ZER1: variants seen among roughly 807,000 people sequenced by gnomAD.
ZER1 encodes the protein protein zer-1 homolog.
In ZER1, 11 loss-of-function variants were observed where a neutral mutation model predicts 78.8. The observed-to-expected ratio is 0.14, with a 90% CI of 0.09 to 0.23. The LOEUF is 0.23. Ranked by LOEUF, ZER1 falls within the 10% of genes least tolerant of loss-of-function variation. ZER1 has a pLI of 1.00. For synonymous variants in ZER1, 400 were observed against 407.0 expected (o/e 0.98, Z 0.21); for missense variants, 588 against 996.9 (o/e 0.59, Z 5.52).
intron 8 of ZER1, among the ~76,000 whole-genome samples, chr9:128,749,178 A>G (rs1863596842): frequency 6.6e-6 from 1 of 150,992 alleles, no homozygotes; most frequent in Non-Finnish European, 1.5e-5. Context: ...AAATACAAAT[A>G]TTAGCCTGGC....
Position 128,755,440 on chromosome 9 carries a change from C to T in ZER1, c.126G>A (p.Leu42=). 3.7e-6 allele frequency: 6 copies of T among 1,614,050 alleles called. No individual in the cohort carries two copies. The highest frequency in any genetic ancestry group is 2.2e-5 in the East Asian group (1 of 44,882). ...CGAGCCGGTCACAGATCTCGCTGGG[C>T]AAGAAGATGTCCGGATGTAGCCGCA... ...ETLRLHPDIF[L]PSEICDRLVN... The change falls in exon 2 of 16, where the codon TTG becomes TTA. Residue 42 remains leucine, a synonymous_variant. Transcript: ENST00000291900. This position sits in a 1 kb window ranked among gnomAD's most constrained non-coding sequence, Gnocchi z 5.6.
In ZER1 at chr9:128,753,658, G is replaced by A. The variant is rs1589535191; in HGVS notation, c.310-58C>T. On this transcript the variant is annotated intron_variant, in intron 3 of 15. Transcript: ENST00000291900. The surrounding 1 kb of genome is among the most constrained non-coding windows in gnomAD (Gnocchi z 7.5). ...ACCCTTGCCCCTTCCCCCGGCCCCA[G>A]GCCTTGCCCTGGGCTACAGGTGGGT... 8 of 1,587,136 alleles carry A rather than the reference G, an allele frequency of 5.0e-6. No individual in the cohort carries two copies. The highest frequency in any genetic ancestry group is 1.3e-5 in the African/African-American group (1 of 74,504).
chr9:128,742,814 T>C, intron 8 of ZER1, 69 bp from the exon 9 acceptor site: 1 of 1,453,924 alleles, frequency 6.9e-7, no homozygotes, highest in Non-Finnish European at 9.3e-7. Flanking sequence ...CTAGGAACTA[T>C]CTAGAGGTAT....
chr9:128,770,061 T>C (rs1024706377), intron 1 of ZER1, among the ~76,000 whole-genome samples: 2 of 152,142 alleles, frequency 1.3e-5, no homozygotes, highest in African/African-American at 2.4e-5. Context: ...CACTGTTCTC[T>C]GACTTTCTTG....
intron 8 of ZER1, among the ~76,000 whole-genome samples, chr9:128,749,220 A>AG (rs952848792): frequency 3.7e-4 from 56 of 151,326 alleles, no homozygotes; most frequent in African/African-American, 1.2e-3. Context: ...CCCAGCCACT[A>AG]GGGGGGCTGA....
intron 1 of ZER1, among the ~76,000 whole-genome samples, chr9:128,764,246 CA>C (rs1270452489): frequency 3.3e-5 from 5 of 152,296 alleles, no homozygotes; most frequent in Non-Finnish European, 5.9e-5. Flanking sequence ...GAAGGAATGA[CA>C]AAGTACTCGC....
chr9:128,736,710 C>T (rs571497346), intron 13 of ZER1, among the ~76,000 whole-genome samples: 1 of 142,878 alleles, frequency 7.0e-6, no homozygotes, highest in East Asian at 2.1e-4. Context: ...TCTCGCTCTG[C>T]TGCCCAGGCT....
At chr9:128,771,160 G>A (rs1267503616) in intron 1 of ZER1, among the ~76,000 whole-genome samples, 2 of 152,188 alleles carry the variant, frequency 1.3e-5, no homozygotes, top group African/African-American at 4.8e-5. Flanking sequence ...CAACTCACCT[G>A]TCGGGCTCCC....
At chr9:128,736,093 C>T (rs1202297252) in intron 13 of ZER1, among the ~76,000 whole-genome samples, 16 of 150,122 alleles carry the variant, frequency 1.1e-4, no homozygotes, top group African/African-American at 3.7e-4. Context: ...GGACTACAGG[C>T]GCCTACCACC....
chr9:128,753,926 G>C lies in ZER1; in HGVS notation c.192C>G (p.Phe64Leu). 2 of 1,592,176 alleles carry C rather than the reference G, an allele frequency of 1.3e-6. No individual in the cohort carries two copies. The highest frequency in any genetic ancestry group is 1.7e-6 in the Non-Finnish European group (2 of 1,170,082). ...YVELVNAACN[F>L]EPHESFFSLF... is the part of the protein sequence containing the mutation. Reference sequence around the variant, plus strand: ...GGCTGAAGAAGCTCTCGTGTGGCTCGAAGTTACAGGCAGCGTTCACCAGCT... The same window carrying C: ...GGCTGAAGAAGCTCTCGTGTGGCTCCAAGTTACAGGCAGCGTTCACCAGCT... The change falls in exon 3 of 16, where the codon TTC becomes TTG. Residue 64 changes from phenylalanine to leucine, a missense_variant. Phe to Leu is a conservative substitution (Grantham distance 22, BLOSUM62 0). Transcript: ENST00000291900. The surrounding 1 kb of genome is among the most constrained non-coding windows in gnomAD (Gnocchi z 7.5).
chr9:128,736,584 C>G (rs908454958), intron 13 of ZER1, among the ~76,000 whole-genome samples: 10 of 148,168 alleles, frequency 6.7e-5, no homozygotes, highest in African/African-American at 2.5e-4. Context: ...CATCATTTTG[C>G]TGTTGGCCAG....
chr9:128,771,867 C>G lies in ZER1; in HGVS notation c.-381G>C, dbSNP rs907390848. The G allele has an allele frequency of 4.6e-5, 7 of 152,242 alleles. No individual in the cohort carries two copies. Among genetic ancestry groups the G allele is most frequent in the Non-Finnish European group, 1.0e-4 (7 of 68,076 alleles). The allele number at this position is 152,242 out of a possible 1,614,324, so 9.4% of individuals were successfully genotyped here. The stretch of plus-strand genomic sequence containing the variant: ...GAGGCTCCTGGGCCCGGCCCCTCCC[C>G]CGATCCGGCTCCTACGGCTCGGAGC... On this transcript the variant is annotated 5_prime_UTR_variant, in exon 1 of 16. Coordinates refer to ENST00000291900, the MANE Select transcript of ZER1 (RefSeq NM_006336.4).
At chr9:128,738,234 T>TG (rs1469635436) in intron 13 of ZER1, among the ~76,000 whole-genome samples, 1 of 140,738 alleles carries the variant, frequency 7.1e-6, no homozygotes, top group East Asian at 2.2e-4. Context: ...TTAGTAGAGG[T>TG]GGGGTTTCAC....
chr9:128,733,833 A>AAT (rs1022625282), intron 14 of ZER1, among the ~76,000 whole-genome samples: 23 of 144,770 alleles, frequency 1.6e-4, no homozygotes, highest in East Asian at 4.1e-4. Flanking sequence ...ATAATCTTAA[A>AAT]ATATATATAT....
At chr9:128,769,516 C>T (rs1864318801) in intron 1 of ZER1, among the ~76,000 whole-genome samples, 1 of 151,732 alleles carries the variant, frequency 6.6e-6, no homozygotes, top group Non-Finnish European at 1.5e-5. Flanking sequence ...CAGGTTCAAG[C>T]GATTCTCCTG....
intron 15 of ZER1, 41 bp from the exon 16 acceptor site, chr9:128,731,435 G>A (rs1289676750): frequency 1.4e-6 from 2 of 1,419,950 alleles, no homozygotes; most frequent in South Asian, 2.3e-5. Flanking sequence ...GGTGGGCTTG[G>A]GTGGGGGTGA....
rs1862797303 is a variant in ZER1, at chr9:128,731,017, G to C, written c.*320C>G. 1 of 157,660 alleles carries C rather than the reference G, an allele frequency of 6.3e-6. No individual in the cohort carries two copies. Among genetic ancestry groups the C allele is most frequent in the African/African-American group, 2.4e-5 (1 of 41,530 alleles). The allele number at this position is 157,660 out of a possible 1,614,324, so 9.8% of individuals were successfully genotyped here. A position where few individuals can be genotyped will look rare whatever the true frequency, so the allele number is the denominator to read the frequency against. On this transcript the variant is annotated 3_prime_UTR_variant, in exon 16 of 16. Coordinates refer to ENST00000291900, the MANE Select transcript of ZER1 (RefSeq NM_006336.4). ...TAGGCATTTAGTCTGGTTGGGGTAGGAGTGTGTGTGTCAGCGATGAAGGCT... is the reference window on the plus strand; with the variant it reads ...TAGGCATTTAGTCTGGTTGGGGTAGCAGTGTGTGTGTCAGCGATGAAGGCT...
intron 8 of ZER1, among the ~76,000 whole-genome samples, chr9:128,746,458 CTTTT>C (rs759531558): frequency 1.5e-5 from 2 of 129,312 alleles, no homozygotes; most frequent in Non-Finnish European, 3.3e-5. Context: ...TCTTCTTTTC[CTTTT>C]TTTTTTTTTT....
intron 1 of ZER1, among the ~76,000 whole-genome samples, chr9:128,761,160 A>G (rs1864031916): frequency 6.7e-6 from 1 of 150,346 alleles, no homozygotes; most frequent in South Asian, 2.1e-4. Flanking sequence ...TCTGTCTCAA[A>G]AAAAAAAAAA....
Sources: gnomAD v4.1 joint callset for allele counts (sites outside exome capture counted in the v4.1 genomes callset) on GRCh38, gnomAD v4.1.1 for gene constraint, Gnocchi (gnomAD v3.1) non-coding constraint, MANE v1.5 for transcripts, NCBI Gene and HGNC (gene_info 2026-07-23, HGNC 2026-07-21) for gene names.